The following RGS7BP variants were observed in gnomAD, a reference collection of about 807,000 sequenced individuals.
The protein encoded by RGS7BP is regulator of G protein signaling 7 binding protein.
In RGS7BP, 9 loss-of-function variants were observed where a neutral mutation model predicts 31.3. The observed-to-expected ratio is 0.29, with a 90% CI of 0.17 to 0.50. RGS7BP has a LOEUF of 0.50. Among genes scored for constraint, RGS7BP ranks in the 20% least tolerant of loss-of-function variants. The pLI is 0.98. For synonymous variants in RGS7BP, 115 were observed against 120.1 expected, an observed-to-expected ratio of 0.96 and a Z score of 0.28; for missense variants, 274 against 322.0, an observed-to-expected ratio of 0.85 and a Z score of 1.14.
At chr5:64,536,922 CTA>C (rs1741390826) in intron 2 of RGS7BP, among the ~76,000 whole-genome samples, 1 of 152,170 alleles carries the variant, frequency 6.6e-6, no homozygotes. Context: ...GCCAAGGTAA[CTA>C]TAAAAGACTG....
chr5:64,559,342 G>A (rs1430936498), intron 2 of RGS7BP, among the ~76,000 whole-genome samples: 1 of 152,138 alleles, frequency 6.6e-6, no homozygotes, highest in Non-Finnish European at 1.5e-5. Context: ...CCCCGATAGT[G>A]GTTGGATGTT....
chr5:64,586,002 A>T (rs1302796062), intron 3 of RGS7BP, among the ~76,000 whole-genome samples: 1 of 151,284 alleles, frequency 6.6e-6, no homozygotes, highest in African/African-American at 2.5e-5. Context: ...TTTTCATTTC[A>T]TAATAAGAAA....
At chr5:64,597,950 C>T (rs3857266) in intron 4 of RGS7BP, among the ~76,000 whole-genome samples, 5,024 of 152,290 alleles carry the variant, frequency 0.033, 266 homozygotes, top group African/African-American at 0.11. Context: ...CTATAGTCCT[C>T]TGACCATAAA....
Position 64,560,917 on chromosome 5 carries a change from C to T in RGS7BP, c.333-14857C>T, listed in dbSNP as rs143264909. ...GACAGTCCATGAACAGCACTGATGC[C>T]ACCTTCCCATTTTTCCCTTAATGCA... On this transcript the variant is annotated intron_variant, in intron 2 of 5. Transcript: ENST00000334025. 2.3e-3 allele frequency among the ~76,000 whole-genome samples: 345 copies of T among 152,246 alleles called. 2 individuals carry two copies. The highest frequency in any genetic ancestry group is 7.8e-3 in the African/African-American group (324 of 41,572).
At chr5:64,559,512 C>A (rs1380960602) in intron 2 of RGS7BP, among the ~76,000 whole-genome samples, 1 of 152,154 alleles carries the variant, frequency 6.6e-6, no homozygotes, top group African/African-American at 2.4e-5. Flanking sequence ...GGTGCCTTCT[C>A]ATCTTCAGCA....
chr5:64,599,939 G>A (rs546522834), intron 5 of RGS7BP, among the ~76,000 whole-genome samples: 1 of 152,178 alleles, frequency 6.6e-6, no homozygotes, highest in Admixed American at 6.5e-5. Flanking sequence ...ACCAAACTTA[G>A]AGAGCAAACA....
intron 5 of RGS7BP, among the ~76,000 whole-genome samples, chr5:64,605,086 AT>A (rs1743319493): frequency 6.6e-6 from 1 of 151,972 alleles, no homozygotes; most frequent in African/African-American, 2.4e-5. Context: ...TGGTGTCCAA[AT>A]TTCCTATTCT....
intron 3 of RGS7BP, 109 bp downstream of exon 3, chr5:64,576,013 G>T: frequency 1.0e-6 from 1 of 957,934 alleles, no homozygotes; most frequent in Non-Finnish European, 1.5e-6. Flanking sequence ...ATGCAATTAC[G>T]ATGAATTTAA....
At chr5:64,586,932 G>T (rs1300367432) in intron 3 of RGS7BP, among the ~76,000 whole-genome samples, 1 of 152,196 alleles carries the variant, frequency 6.6e-6, no homozygotes, top group Non-Finnish European at 1.5e-5. Flanking sequence ...TCATGTATTT[G>T]TCAGGGTAGG....
intron 2 of RGS7BP, among the ~76,000 whole-genome samples, chr5:64,560,717 A>T (rs1289126777): frequency 6.6e-6 from 1 of 152,126 alleles, no homozygotes; most frequent in Non-Finnish European, 1.5e-5. Flanking sequence ...AGTCACTAAC[A>T]ATGTCATATA....
At position 64,506,245 on chromosome 5, in the gene RGS7BP, T is replaced by TCC. The variant is rs1748671982; in HGVS notation, c.-376_-375dup. The TCC allele has an allele frequency of 1.7e-5, 3 of 173,196 alleles. No individual in the cohort carries two copies. In the Admixed American group the frequency reaches 1.9e-4, roughly 11 times the overall value. 10.7% of individuals were successfully genotyped at this position (173,196 alleles called of 1,614,324 possible). A position where few individuals can be genotyped will look rare whatever the true frequency, so the allele number is the denominator to read the frequency against. ...TTGCAGCGCAGGCTTTGAAAGCTGC[T>TCC]CCCCCACCTGAATGGAAACTCGGAA... On this transcript the variant is annotated 5_prime_UTR_variant, in exon 1 of 6. Transcript: ENST00000334025. The surrounding 1 kb of genome is among the most constrained non-coding windows in gnomAD (Gnocchi z 4.6).
chr5:64,513,067 A>G (rs892706703), intron 2 of RGS7BP, among the ~76,000 whole-genome samples: 4 of 152,228 alleles, frequency 2.6e-5, no homozygotes, highest in Non-Finnish European at 5.9e-5. Flanking sequence ...TTCATAGAGA[A>G]TCACATGGAC....
At chr5:64,602,002 C>T (rs185319274) in intron 5 of RGS7BP, among the ~76,000 whole-genome samples, 2 of 152,256 alleles carry the variant, frequency 1.3e-5, no homozygotes, top group South Asian at 2.1e-4. Context: ...GAGAATCAGT[C>T]GAGAAGTAGG....
chr5:64,531,198 A>C (rs553774895), intron 2 of RGS7BP, among the ~76,000 whole-genome samples: 1 of 152,366 alleles, frequency 6.6e-6, no homozygotes, highest in East Asian at 1.9e-4. Flanking sequence ...CAATAGGAAG[A>C]AGGATTGAAT....
At chr5:64,605,591 G>A (rs907039615) in intron 5 of RGS7BP, among the ~76,000 whole-genome samples, 1 of 152,028 alleles carries the variant, frequency 6.6e-6, no homozygotes, top group African/African-American at 2.4e-5. Flanking sequence ...TTTACTGCAG[G>A]TGTCAGCTCC....
intron 2 of RGS7BP, among the ~76,000 whole-genome samples, chr5:64,531,619 T>A (rs1374159970): frequency 6.6e-6 from 1 of 152,208 alleles, no homozygotes; most frequent in Non-Finnish European, 1.5e-5. Context: ...ATTCACTCAT[T>A]CATTGGTTCA....
chr5:64,598,136 G>A (rs1288900449), intron 4 of RGS7BP, among the ~76,000 whole-genome samples: 4 of 152,152 alleles, frequency 2.6e-5, no homozygotes, highest in Non-Finnish European at 1.5e-5. Flanking sequence ...GCAGGAGAAT[G>A]CCCTGTAGAA....
At chr5:64,565,626 ACAC>A (rs1452615543) in intron 2 of RGS7BP, among the ~76,000 whole-genome samples, 1 of 152,102 alleles carries the variant, frequency 6.6e-6, no homozygotes, top group East Asian at 1.9e-4. Flanking sequence ...CCAACTTCTC[ACAC>A]CACATAGGCA....
chr5:64,561,380 T>C (rs140532184), intron 2 of RGS7BP, among the ~76,000 whole-genome samples: 2 of 152,260 alleles, frequency 1.3e-5, no homozygotes, highest in Non-Finnish European at 2.9e-5. Context: ...CATATAAATA[T>C]AGTTCCAGTC....
Sources: allele counts gnomAD v4.1 joint callset (sites outside exome capture counted in the v4.1 genomes callset), GRCh38; gene constraint gnomAD v4.1.1; non-coding constraint Gnocchi (gnomAD v3.1); transcripts MANE v1.5; gene names NCBI Gene and HGNC (gene_info 2026-07-23, HGNC 2026-07-21).